AOPEP: variants seen among roughly 807,000 people sequenced by gnomAD.
The protein encoded by AOPEP is aminopeptidase O (putative), also known as aminopeptidase O.
Under a neutral mutation model 98.1 loss-of-function variants are expected in AOPEP, and 77 were observed. The observed-to-expected ratio is 0.78, with a 90% CI of 0.65 to 0.95. The LOEUF is 0.95. Among genes scored for constraint, AOPEP ranks in the 40% least tolerant of loss-of-function variants. The probability of loss-of-function intolerance (pLI) is 0.00; values close to 1 mark genes in which losing one functional copy is unlikely to be tolerated. For missense variants in AOPEP, 1,024 were observed against 1,024.7 expected (o/e 1.00, Z 0.01); for synonymous variants, 346 against 365.3 (o/e 0.95, Z 0.60).
At chr9:95,106,486 ATTG>A in the AOPEP span, among the ~76,000 whole-genome samples, 2 of 152,088 alleles carry the variant, frequency 1.3e-5, no homozygotes, top group Non-Finnish European at 2.9e-5. Context: ...CAATTTATCT[ATTG>A]TTTTCTTTCA....
chr9:95,085,130 C>A, intron 16 of AOPEP: 2 of 416,794 alleles, frequency 4.8e-6, no homozygotes, highest in South Asian at 1.8e-5. Flanking sequence ...GCTAGCATAA[C>A]AGGCGTGAAG....
intron 2 of AOPEP, chr9:94,763,486 G>A (rs1438721661): frequency 1.2e-5 from 2 of 168,014 alleles, no homozygotes; most frequent in Non-Finnish European, 2.6e-5. Flanking sequence ...AAGGGTTAGT[G>A]TGTGTGTGTG....
chr9:95,086,376 C>T (rs973094321), intron 16 of AOPEP: 11 of 985,292 alleles, frequency 1.1e-5, no homozygotes, highest in African/African-American at 1.7e-5. Flanking sequence ...TCTCCCACGG[C>T]GAGGTGAGCT....
chr9:95,037,163 T>C (rs1405510865), intron 13 of AOPEP, among the ~76,000 whole-genome samples: 3 of 152,208 alleles, frequency 2.0e-5, no homozygotes, highest in African/African-American at 7.2e-5. Context: ...GATTTGGTTT[T>C]AAATAGCTAT....
chr9:94,732,190 T>G (rs1830703317), intron 1 of AOPEP, among the ~76,000 whole-genome samples: 1 of 152,170 alleles, frequency 6.6e-6, no homozygotes, highest in Non-Finnish European at 1.5e-5. Context: ...GTAAGCAACT[T>G]CTAGAATATG....
intron 14 of AOPEP, among the ~76,000 whole-genome samples, chr9:95,079,581 T>C (rs1218783763): frequency 6.6e-6 from 1 of 152,242 alleles, no homozygotes; most frequent in Non-Finnish European, 1.5e-5. Flanking sequence ...GTGAATCTTC[T>C]TGTAGAGCAT....
chr9:94,745,027 G>A (rs1453687624), intron 1 of AOPEP, among the ~76,000 whole-genome samples: 2 of 152,042 alleles, frequency 1.3e-5, no homozygotes, highest in Non-Finnish European at 2.9e-5. Context: ...TCACATCAGG[G>A]AAATGGGGTA....
the AOPEP span, among the ~76,000 whole-genome samples, chr9:95,139,258 T>C: frequency 6.6e-6 from 1 of 152,246 alleles, no homozygotes; most frequent in Middle Eastern, 3.4e-3. Context: ...AGTTTCACCC[T>C]CTCCGTGTAG....
At chr9:94,834,992 G>A (rs1427025483) in intron 5 of AOPEP, among the ~76,000 whole-genome samples, 2 of 152,180 alleles carry the variant, frequency 1.3e-5, no homozygotes, top group Admixed American at 6.5e-5. Context: ...GAGAGACATT[G>A]AATAATCCTT....
chr9:95,133,527 C>T, the AOPEP span, among the ~76,000 whole-genome samples: 2 of 152,190 alleles, frequency 1.3e-5, no homozygotes, highest in Non-Finnish European at 2.9e-5. Flanking sequence ...TGCAATGGGA[C>T]GGCCTGCGTT....
intron 14 of AOPEP, among the ~76,000 whole-genome samples, chr9:95,062,594 C>G (rs2067423912): frequency 6.6e-6 from 1 of 152,218 alleles, no homozygotes; most frequent in Non-Finnish European, 1.5e-5. Flanking sequence ...CAGGCCCACC[C>G]ACACAGAGAA....
downstream of AOPEP, among the ~76,000 whole-genome samples, chr9:95,088,251 G>A (rs60070508): frequency 0.016 from 2,356 of 150,306 alleles, 61 homozygotes; most frequent in African/African-American, 0.054. Flanking sequence ...CTCTTGTTGC[G>A]CAGGCTGGAA....
At chr9:94,946,249 A>G (rs1382599903) in intron 7 of AOPEP, among the ~76,000 whole-genome samples, 1 of 152,348 alleles carries the variant, frequency 6.6e-6, no homozygotes, top group African/African-American at 2.4e-5. Flanking sequence ...TCTTGACTCT[A>G]CTGAATGGAT....
chr9:94,876,717 C>T lies in AOPEP; in HGVS notation c.1365-47269C>T, dbSNP rs2135750969. ...TCCTTAGTATGTTTGGTGGCAGTAT[C>T]TAAGGCTACCTTTTAAATTAAGCCT... On this transcript the variant is annotated intron_variant, in intron 5 of 16. Coordinates refer to ENST00000375315, the MANE Select transcript of AOPEP (RefSeq NM_001193329.3). 2.6e-5 allele frequency among the ~76,000 whole-genome samples: 4 copies of T among 152,092 alleles called. 1 individual carries two copies. The highest frequency in any genetic ancestry group is 9.7e-5 in the African/African-American group (4 of 41,430).
intron 5 of AOPEP, among the ~76,000 whole-genome samples, chr9:94,886,979 T>C (rs1226161166): frequency 6.6e-6 from 1 of 152,116 alleles, no homozygotes; most frequent in Non-Finnish European, 1.5e-5. Context: ...ACATGCCAAG[T>C]GTTGTTTCAT....
intron 5 of AOPEP, among the ~76,000 whole-genome samples, chr9:94,877,429 T>C (rs1271889561): frequency 1.9e-4 from 1 of 5,284 alleles, no homozygotes; most frequent in Non-Finnish European, 2.9e-3. Context: ...TTTCTTTTCT[T>C]TTTTTTTTTT....
intron 5 of AOPEP, among the ~76,000 whole-genome samples, chr9:94,857,359 T>C (rs1316909597): frequency 3.3e-5 from 5 of 152,232 alleles, no homozygotes; most frequent in Admixed American, 6.5e-5. Flanking sequence ...CAGAGCCATA[T>C]TGACAACAGC....
chr9:95,096,121 C>T, the AOPEP span, among the ~76,000 whole-genome samples: 7 of 152,112 alleles, frequency 4.6e-5, no homozygotes, highest in Admixed American at 1.3e-4. Flanking sequence ...CTCCAGATGC[C>T]GACGCTGGGA....
At chr9:94,731,069 C>T (rs1422385456) in intron 1 of AOPEP, among the ~76,000 whole-genome samples, 1 of 152,110 alleles carries the variant, frequency 6.6e-6, no homozygotes, top group Non-Finnish European at 1.5e-5. Flanking sequence ...AGCAGGACAG[C>T]CTCAGAGTTT....
Sources: gnomAD v4.1 joint callset for allele counts (sites outside exome capture counted in the v4.1 genomes callset) on GRCh38, gnomAD v4.1.1 for gene constraint, MANE v1.5 for transcripts, NCBI Gene and HGNC (gene_info 2026-07-23, HGNC 2026-07-21) for gene names.